Variants in PARD3 observed in about 807,000 individuals in gnomAD.
PARD3 encodes the protein par-3 family cell polarity regulator.
PARD3 carries 75 observed loss-of-function variants against 155.4 expected under a neutral mutation model. That is an observed-to-expected ratio of 0.48 (90% CI 0.40 to 0.58). PARD3 has a LOEUF of 0.58. PARD3 is among the 20% of genes least tolerant of loss of function. PARD3 has a pLI of 0.00. For missense variants in PARD3, 1,642 were observed against 1,721.7 expected (o/e 0.95, Z 0.82); for synonymous variants, 576 against 610.5 (o/e 0.94, Z 0.83).
chr10:34,776,022 C>T (rs972069456), intron 1 of PARD3, among the ~76,000 whole-genome samples: 2 of 151,938 alleles, frequency 1.3e-5, no homozygotes, highest in East Asian at 1.9e-4. Context: ...CTCAGGAGTT[C>T]GAGATCAGCC....
chr10:34,814,703 G>A (rs916414244), intron 1 of PARD3, among the ~76,000 whole-genome samples, 173 bp downstream of exon 1: 3 of 151,728 alleles, frequency 2.0e-5, no homozygotes, highest in Non-Finnish European at 4.4e-5. Flanking sequence ...GGCCCGCGCA[G>A]AGAACTTTGG....
At chr10:34,473,932 C>T (rs1417916138) in intron 3 of PARD3, among the ~76,000 whole-genome samples, 1 of 152,232 alleles carries the variant, frequency 6.6e-6, no homozygotes, top group African/African-American at 2.4e-5. Flanking sequence ...GACACTGTTG[C>T]TTCAACAAAG....
intron 22 of PARD3, among the ~76,000 whole-genome samples, chr10:34,176,839 A>G (rs1323234069): frequency 1.3e-5 from 2 of 152,220 alleles, no homozygotes; most frequent in African/African-American, 4.8e-5. Context: ...AAAGCCACTG[A>G]ACTCCCAGGG....
chr10:34,252,259 G>A (rs537896210), intron 22 of PARD3, among the ~76,000 whole-genome samples: 4 of 152,144 alleles, frequency 2.6e-5, no homozygotes, highest in Non-Finnish European at 4.4e-5. Flanking sequence ...AGGCAGCTGA[G>A]GTCCCTACAG....
intron 22 of PARD3, among the ~76,000 whole-genome samples, chr10:34,133,704 C>G (rs1201303000): frequency 6.6e-6 from 1 of 152,182 alleles, no homozygotes; most frequent in Admixed American, 6.5e-5. Flanking sequence ...GTAAAATTCT[C>G]AAACGGACAT....
intron 2 of PARD3, among the ~76,000 whole-genome samples, chr10:34,629,586 G>A (rs545434566): frequency 2.6e-5 from 4 of 152,228 alleles, no homozygotes; most frequent in African/African-American, 9.6e-5. Context: ...CTACAAAGAG[G>A]GCCTCAGTTG....
chr10:34,306,831 T>C (rs945638841), intron 20 of PARD3, among the ~76,000 whole-genome samples: 1 of 152,060 alleles, frequency 6.6e-6, no homozygotes, highest in Non-Finnish European at 1.5e-5. Flanking sequence ...TTGTCATAAA[T>C]TGCAAAATTA....
At chr10:34,117,752 G>T (rs1433589606) in intron 24 of PARD3, among the ~76,000 whole-genome samples, 1 of 152,042 alleles carries the variant, frequency 6.6e-6, no homozygotes, top group Non-Finnish European at 1.5e-5. Flanking sequence ...CTCTACTAAA[G>T]ATACAAAAAT....
Position 34,309,547 on chromosome 10 carries a change from C to CAAAAAAAAAAA in PARD3, c.3065+7559_3065+7560insTTTTTTTTTTT, listed in dbSNP as rs1323865538. On this transcript the variant is annotated intron_variant, in intron 20 of 24. Coordinates refer to ENST00000374788, the MANE Select transcript of PARD3 (RefSeq NM_001184785.2). ...ACTCCTGCTGAGCAAGACCCTGTCT[C>CAAAAAAAAAAA]CAAAAAAAAAAAAAAAAAAAAAAAA... Among the ~76,000 whole-genome samples, 7 of 46,648 alleles carry CAAAAAAAAAAA rather than the reference C, an allele frequency of 1.5e-4. No homozygotes were observed. The Admixed American group carries it at 1.8e-3, about 12-fold the overall frequency. The allele number at this position is 46,648 out of a possible 152,430, so 30.6% of individuals were successfully genotyped here.
intron 1 of PARD3, among the ~76,000 whole-genome samples, chr10:34,779,026 G>C (rs1464119791): frequency 2.6e-5 from 4 of 152,158 alleles, no homozygotes; most frequent in Non-Finnish European, 5.9e-5. Flanking sequence ...ATAAACTAAA[G>C]CAGGCTGGGC....
At chr10:34,807,433 G>C (rs962040229) in intron 1 of PARD3, among the ~76,000 whole-genome samples, 2 of 152,150 alleles carry the variant, frequency 1.3e-5, no homozygotes, top group Admixed American at 1.3e-4. Context: ...GTATACACTT[G>C]AATAGAACTG....
At chr10:34,657,015 T>C (rs2093187353) in intron 2 of PARD3, among the ~76,000 whole-genome samples, 1 of 152,244 alleles carries the variant, frequency 6.6e-6, no homozygotes, top group East Asian at 1.9e-4. Flanking sequence ...TTCTACTTTT[T>C]ACTCTGTGTA....
chr10:34,634,040 C>T (rs74132078), intron 2 of PARD3, among the ~76,000 whole-genome samples: 5,494 of 152,176 alleles, frequency 0.036, 287 homozygotes, highest in African/African-American at 0.12. Flanking sequence ...CTTTCTTATT[C>T]AAAAGGTAAT....
At chr10:34,190,756 T>C (rs1464329700) in intron 22 of PARD3, among the ~76,000 whole-genome samples, 4 of 152,102 alleles carry the variant, frequency 2.6e-5, no homozygotes, top group African/African-American at 9.7e-5. Flanking sequence ...CGTGACAAAT[T>C]CAGCCTGGGA....
chr10:34,624,630 ACTGGCTCCT>A (rs1271921335), intron 2 of PARD3, among the ~76,000 whole-genome samples: 1 of 152,214 alleles, frequency 6.6e-6, no homozygotes, highest in East Asian at 1.9e-4. Context: ...CCTTCATTCA[ACTGGCTCCT>A]CTGGGCCTCC....
intron 22 of PARD3, among the ~76,000 whole-genome samples, chr10:34,155,806 T>C (rs1305222572): frequency 6.6e-6 from 1 of 151,980 alleles, no homozygotes; most frequent in African/African-American, 2.4e-5. Context: ...TGGGGGGTCA[T>C]GCAGACGCTC....
At chr10:34,166,627 T>A (rs1289174430) in intron 22 of PARD3, among the ~76,000 whole-genome samples, 9 of 141,868 alleles carry the variant, frequency 6.3e-5, no homozygotes, top group Non-Finnish European at 1.1e-4. Context: ...AGATCCTGTC[T>A]AAAAAAAAAA....
intron 2 of PARD3, among the ~76,000 whole-genome samples, chr10:34,673,293 T>G (rs917628888): frequency 6.6e-6 from 1 of 152,330 alleles, no homozygotes; most frequent in East Asian, 1.9e-4. Context: ...AAACTAAAGA[T>G]AGCAAAAACT....
At chr10:34,741,155 C>CT (rs2095004609) in intron 1 of PARD3, among the ~76,000 whole-genome samples, 1 of 142,762 alleles carries the variant, frequency 7.0e-6, no homozygotes, top group South Asian at 2.3e-4. Flanking sequence ...AAGTCAACTG[C>CT]TGTGTTTTCG....
Sources: gnomAD v4.1 joint callset for allele counts (sites outside exome capture counted in the v4.1 genomes callset) on GRCh38, gnomAD v4.1.1 for gene constraint, MANE v1.5 for transcripts, NCBI Gene and HGNC (gene_info 2026-07-23, HGNC 2026-07-21) for gene names.